CRB1: variants seen among roughly 807,000 people sequenced by gnomAD.
CRB1 encodes crumbs cell polarity complex component 1.
Under a neutral mutation model 120.0 loss-of-function variants are expected in CRB1, and 83 were observed. That is an observed-to-expected ratio of 0.69 (90% CI 0.58 to 0.83). The LOEUF is 0.83. CRB1 is among the 40% of genes least tolerant of loss of function. The pLI, the probability that CRB1 is intolerant of heterozygous loss-of-function variation, is 0.00. For synonymous variants in CRB1, 625 were observed against 612.5 expected (o/e 1.02, Z -0.30); for missense variants, 1,699 against 1,687.6 (o/e 1.01, Z -0.12).
chr1:197,456,522 G>A (rs183491463), intron 11 of CRB1, among the ~76,000 whole-genome samples: 1 of 152,100 alleles, frequency 6.6e-6, no homozygotes, highest in South Asian at 2.1e-4. Flanking sequence ...AAAAAGGCAA[G>A]GCTTGACCAT....
At chr1:197,222,489 A>G in the CRB1 span, 1 of 768,942 alleles carries the variant, frequency 1.3e-6, no homozygotes, top group African/African-American at 1.7e-5. Context: ...AGGCAGTGTC[A>G]TTTCATACCC....
intron 5 of CRB1, among the ~76,000 whole-genome samples, chr1:197,418,345 C>T (rs1664110274): frequency 6.6e-6 from 1 of 152,134 alleles, no homozygotes; most frequent in South Asian, 2.1e-4. Flanking sequence ...TTCTGTGCTT[C>T]CCAGGATAAT....
chr1:197,384,440 A>C (rs1054744204), intron 5 of CRB1, among the ~76,000 whole-genome samples: 1 of 152,160 alleles, frequency 6.6e-6, no homozygotes, highest in African/African-American at 2.4e-5. Flanking sequence ...TGAAAACAGC[A>C]TGTCTCTTTC....
chr1:197,237,237 C>T, the CRB1 span, among the ~76,000 whole-genome samples: 1 of 152,094 alleles, frequency 6.6e-6, no homozygotes, highest in Admixed American at 6.6e-5. Context: ...CTTTCTCAGA[C>T]CATTCTGGCT....
chr1:197,267,816 CT>C (rs1259804183), upstream of CRB1, among the ~76,000 whole-genome samples: 2 of 152,118 alleles, frequency 1.3e-5, no homozygotes, highest in Non-Finnish European at 2.9e-5. Context: ...AAATCTGCCC[CT>C]GAATGATCTT....
chr1:197,283,189 A>G (rs950625896), intron 1 of CRB1, among the ~76,000 whole-genome samples: 2 of 151,872 alleles, frequency 1.3e-5, no homozygotes, highest in Admixed American at 6.6e-5. Context: ...TGTAAAAAAT[A>G]TGCTTGGAAA....
chr1:197,360,906 G>A (rs1558081645), intron 5 of CRB1, among the ~76,000 whole-genome samples: 1 of 152,170 alleles, frequency 6.6e-6, no homozygotes, highest in African/African-American at 2.4e-5. Context: ...TTTTATCGAT[G>A]CTCTTTTTCA....
chr1:197,477,490 T>C (rs1475865054), intron 11 of CRB1, 174 bp from the exon 12 acceptor site: 2 of 712,236 alleles, frequency 2.8e-6, no homozygotes, highest in Non-Finnish European at 5.2e-6. Flanking sequence ...TGATTATTTG[T>C]AAATGATTTG....
chr1:197,273,004 G>A (rs1654991798), intron 1 of CRB1, among the ~76,000 whole-genome samples: 1 of 152,084 alleles, frequency 6.6e-6, no homozygotes, highest in Non-Finnish European at 1.5e-5. Flanking sequence ...AGAAGGGGTT[G>A]GGGAAAAACT....
chr1:197,354,544 T>C (rs1660322257), intron 4 of CRB1, among the ~76,000 whole-genome samples: 1 of 151,898 alleles, frequency 6.6e-6, no homozygotes, highest in Non-Finnish European at 1.5e-5. Flanking sequence ...TTGCAGTGAG[T>C]GTTACAACTC....
intron 11 of CRB1, among the ~76,000 whole-genome samples, chr1:197,469,783 T>C (rs1666902866): frequency 6.6e-6 from 1 of 152,220 alleles, no homozygotes; most frequent in Admixed American, 6.5e-5. Flanking sequence ...TTTACCTTTA[T>C]TTTTGTTTTT....
At chr1:197,405,919 C>T (rs1399537098) in intron 5 of CRB1, among the ~76,000 whole-genome samples, 5 of 151,406 alleles carry the variant, frequency 3.3e-5, no homozygotes, top group African/African-American at 4.9e-5. Flanking sequence ...GGTCAGCCCC[C>T]GCCAGGCCAG....
intron 2 of CRB1, among the ~76,000 whole-genome samples, chr1:197,336,034 G>A (rs1383880272): frequency 6.6e-6 from 1 of 152,192 alleles, no homozygotes; most frequent in South Asian, 2.1e-4. Flanking sequence ...ATATTGCCAT[G>A]CAGTGTCTTT....
At chr1:197,476,279 A>G (rs1667191515) in intron 11 of CRB1, among the ~76,000 whole-genome samples, 1 of 151,660 alleles carries the variant, frequency 6.6e-6, no homozygotes, top group African/African-American at 2.4e-5. Flanking sequence ...ATCATGTCTC[A>G]TTCCAATCTT....
At chr1:197,266,039 CTA>C (rs1654623145), upstream of CRB1, among the ~76,000 whole-genome samples, 1 of 152,084 alleles carries the variant, frequency 6.6e-6, no homozygotes, top group South Asian at 2.1e-4. Flanking sequence ...CTCTTCACAC[CTA>C]TGTTTCTGCA....
At chr1:197,264,193 T>C (rs1654581228), upstream of CRB1, among the ~76,000 whole-genome samples, 2 of 152,212 alleles carry the variant, frequency 1.3e-5, no homozygotes, top group South Asian at 2.1e-4. Context: ...GTACACATTA[T>C]TTAGCTCCCA....
the CRB1 span, among the ~76,000 whole-genome samples, chr1:197,212,216 G>A: frequency 6.6e-6 from 1 of 152,062 alleles, no homozygotes; most frequent in Admixed American, 6.5e-5. Flanking sequence ...AAATAGTTGA[G>A]CAATTTCCAA....
chr1:197,255,965 T>TATA, the CRB1 span, among the ~76,000 whole-genome samples: 4 of 85,340 alleles, frequency 4.7e-5, no homozygotes, highest in South Asian at 5.1e-4. Flanking sequence ...ATAGAACATT[T>TATA]TATATATATA....
Position 197,344,440 on chromosome 1 carries a change from G to C in CRB1, c.812G>C (p.Cys271Ser), listed in dbSNP as rs764503424. 5 of 1,614,076 alleles carry C rather than the reference G, an allele frequency of 3.1e-6. No individual in the cohort carries two copies. The highest frequency in any genetic ancestry group is 4.2e-6 in the Non-Finnish European group (5 of 1,180,014). Reference protein sequence around the residue: ...LNTDECASQPCLHGGLCVDGE... With the variant: ...LNTDECASQPSLHGGLCVDGE... ...ACTGATGAGTGTGCCAGTCAACCTT[G>C]TCTCCATGGAGGGCTGTGTGTGGAT... is the stretch of plus-strand genomic sequence containing the variant. The change falls in exon 3 of 12, where the codon TGT becomes TCT. Residue 271 changes from cysteine (C) to serine (S), a missense_variant. Cys to Ser is a moderately radical substitution (Grantham distance 112). Transcript: ENST00000367400.
Sources: allele counts gnomAD v4.1 joint callset (sites outside exome capture counted in the v4.1 genomes callset), GRCh38; gene constraint gnomAD v4.1.1; transcripts MANE v1.5; gene names NCBI Gene and HGNC (gene_info 2026-07-23, HGNC 2026-07-21).